SLAMF9: variants seen among roughly 807,000 people sequenced by gnomAD.
SLAMF9 encodes CD2 family member 10.
In SLAMF9, 25 loss-of-function variants were observed where a neutral mutation model predicts 30.4. That is an observed-to-expected ratio of 0.82 (90% confidence interval 0.60 to 1.15). The LOEUF (loss-of-function observed/expected upper bound fraction) is 1.15, where lower values mean the gene tolerates loss of function less well. SLAMF9 is among the 50% of genes most tolerant of loss of function. SLAMF9 has a pLI of 0.00. For synonymous variants in SLAMF9, 129 were observed against 127.2 expected (o/e 1.01, Z -0.09); for missense variants, 344 against 346.1 (o/e 0.99, Z 0.05).
the SLAMF9 span, among the ~76,000 whole-genome samples, chr1:159,963,310 G>T: frequency 6.6e-6 from 1 of 152,122 alleles, no homozygotes; most frequent in Non-Finnish European, 1.5e-5. Flanking sequence ...TGTAATTATT[G>T]AAGAGAATAC....
At chr1:159,960,418 C>T in the SLAMF9 span, among the ~76,000 whole-genome samples, 70 of 151,264 alleles carry the variant, frequency 4.6e-4, no homozygotes, top group African/African-American at 1.6e-3. Context: ...GAAGTTTGCA[C>T]CTGGGCAGTC....
upstream of SLAMF9, among the ~76,000 whole-genome samples, chr1:159,955,626 C>T (rs1651906024): frequency 1.3e-5 from 2 of 152,180 alleles, no homozygotes; most frequent in African/African-American, 4.8e-5. Flanking sequence ...AATTTTAGAT[C>T]GTGACTTCAT....
the SLAMF9 span, among the ~76,000 whole-genome samples, chr1:159,982,359 A>G: frequency 2.6e-5 from 4 of 152,160 alleles, no homozygotes; most frequent in Non-Finnish European, 5.9e-5. Flanking sequence ...GCCTGTGGAC[A>G]TATAACGCCT....
the SLAMF9 span, among the ~76,000 whole-genome samples, chr1:159,962,678 G>A: frequency 1.3e-5 from 2 of 152,196 alleles, no homozygotes; most frequent in South Asian, 4.1e-4. Flanking sequence ...AAGCAGTTAA[G>A]GGAAGGCCTG....
chr1:159,972,126 T>C, the SLAMF9 span, among the ~76,000 whole-genome samples: 1 of 152,088 alleles, frequency 6.6e-6, no homozygotes, highest in Non-Finnish European at 1.5e-5. Flanking sequence ...TGGGCTCCTG[T>C]AGGTCTCCCA....
At chr1:159,976,086 AGT>A in the SLAMF9 span, among the ~76,000 whole-genome samples, 8,401 of 148,266 alleles carry the variant, frequency 0.057, 412 homozygotes, top group African/African-American at 0.13. Context: ...TATAGGTTGT[AGT>A]GTGTGTGTGT....
the SLAMF9 span, among the ~76,000 whole-genome samples, chr1:159,979,291 A>G: frequency 6.6e-6 from 1 of 152,224 alleles, no homozygotes; most frequent in Non-Finnish European, 1.5e-5. Flanking sequence ...CCCAACACAC[A>G]TGAAATTCCG....
At chr1:159,974,633 G>A in the SLAMF9 span, among the ~76,000 whole-genome samples, 1 of 152,126 alleles carries the variant, frequency 6.6e-6, no homozygotes, top group Non-Finnish European at 1.5e-5. Context: ...TCCCCAGCAG[G>A]GGCTTCAGTT....
chr1:159,952,266 A>G lies in SLAMF9; in HGVS notation c.660T>C (p.Tyr220=). 2.5e-6 allele frequency: 4 copies of G among 1,613,920 alleles called. No homozygotes were observed. In the South Asian group the frequency reaches 3.3e-5, roughly 13 times the overall value. The change falls in exon 3 of 4, where the codon TAT becomes TAC. Residue 220 remains tyrosine (Y), a synonymous_variant. Transcript: ENST00000368093. ...SSCPIPDGPF[Y]ADPNYASEKP... is the part of the protein sequence containing the mutation. ...GTGTCTCAGGGGTTCTGGTACCTGC[A>G]TAGAAGGGCCCATCAGGGATGGGGC... is the stretch of plus-strand genomic sequence containing the variant.
the SLAMF9 span, among the ~76,000 whole-genome samples, chr1:159,967,146 T>G: frequency 6.6e-6 from 1 of 151,980 alleles, no homozygotes; most frequent in Non-Finnish European, 1.5e-5. Context: ...CCGTTTTGAG[T>G]TTTTTTTATT....
chr1:159,974,870 C>T, the SLAMF9 span, among the ~76,000 whole-genome samples: 22 of 152,202 alleles, frequency 1.4e-4, no homozygotes, highest in South Asian at 8.3e-4. Flanking sequence ...CCATTATGAG[C>T]AAGAAGAACA....
At chr1:159,973,080 T>A in the SLAMF9 span, 1 of 1,480,276 alleles carries the variant, frequency 6.8e-7, no homozygotes, top group Admixed American at 2.3e-5. Context: ...AAGCCCAGAG[T>A]CTCCCTCCTT....
intron 3 of SLAMF9, 135 bp downstream of exon 3, chr1:159,952,127 C>T (rs1292939470): frequency 9.5e-7 from 1 of 1,048,278 alleles, no homozygotes; most frequent in Non-Finnish European, 1.4e-6. Context: ...CTCTCCAATC[C>T]AGGTGTCAAG....
rs777475212 is a variant in SLAMF9, at chr1:159,951,749, T to A, written c.782A>T (p.Lys261Ile). The change falls in exon 4 of 4, where the codon AAA becomes ATA. Residue 261 changes from lysine to isoleucine, a missense_variant. Coordinates refer to ENST00000368093, the MANE Select transcript of SLAMF9 (RefSeq NM_033438.4). ...AMGLWVIRVQ[K>I]RHKMPRMKKL... ...CTTCATCCTTGGCATTTTGTGTCTT[T>A]TCTGGACTCGGATGACCCAGAGTCC... 4 of 1,614,226 alleles carry A rather than the reference T, an allele frequency of 2.5e-6. 1 individual carries two copies. The South Asian group carries it at 4.4e-5, about 18-fold the overall frequency.
upstream of SLAMF9, among the ~76,000 whole-genome samples, chr1:159,956,547 C>T (rs978658230): frequency 6.6e-6 from 1 of 152,026 alleles, no homozygotes; most frequent in Non-Finnish European, 1.5e-5. Context: ...AATAGTGCAT[C>T]CTAGCCATCC....
At chr1:159,964,787 A>G in the SLAMF9 span, among the ~76,000 whole-genome samples, 1 of 152,156 alleles carries the variant, frequency 6.6e-6, no homozygotes, top group Non-Finnish European at 1.5e-5. Flanking sequence ...GAAAGCCCTC[A>G]GTGTTATTAT....
At chr1:159,957,315 G>T (rs1651943328), upstream of SLAMF9, among the ~76,000 whole-genome samples, 1 of 151,400 alleles carries the variant, frequency 6.6e-6, no homozygotes, top group East Asian at 2.0e-4. Context: ...TAATAGCAAT[G>T]TATTGTATTC....
At chr1:159,967,642 C>A in the SLAMF9 span, among the ~76,000 whole-genome samples, 2 of 152,120 alleles carry the variant, frequency 1.3e-5, no homozygotes. Flanking sequence ...CGAAGAGTGG[C>A]ATTGGAATTT....
the SLAMF9 span, chr1:159,961,442 T>C: frequency 6.6e-6 from 1 of 152,174 alleles, no homozygotes; most frequent in Non-Finnish European, 1.5e-5. Flanking sequence ...CCCGAGGCAA[T>C]GTGTGTTGAG....
Sources: gnomAD v4.1 joint callset for allele counts (sites outside exome capture counted in the v4.1 genomes callset) on GRCh38, gnomAD v4.1.1 for gene constraint, MANE v1.5 for transcripts, NCBI Gene and HGNC (gene_info 2026-07-23, HGNC 2026-07-21) for gene names.